AK9: variants seen among roughly 807,000 people sequenced by gnomAD.
AK9 encodes adenylate kinase 9.
Under a neutral mutation model 239.6 loss-of-function variants are expected in AK9, and 191 were observed. The observed-to-expected ratio is 0.80, with a 90% CI of 0.71 to 0.90. The LOEUF (loss-of-function observed/expected upper bound fraction) is 0.90, where lower values mean the gene tolerates loss of function less well. AK9 is among the 40% of genes least tolerant of loss of function. AK9 has a pLI of 0.00. For missense variants in AK9, 1,995 were observed against 2,214.7 expected (o/e 0.90, Z 1.99); for synonymous variants, 689 against 721.0 (o/e 0.96, Z 0.71).
intron 17 of AK9, among the ~76,000 whole-genome samples, chr6:109,599,796 T>G (rs1480019360): frequency 6.6e-6 from 1 of 152,190 alleles, no homozygotes; most frequent in South Asian, 2.1e-4. Context: ...TTCACATACC[T>G]TGTAAGTTGG....
chr6:109,611,921 C>T, intron 16 of AK9, 89 bp downstream of exon 16: 1 of 888,982 alleles, frequency 1.1e-6, no homozygotes, highest in Non-Finnish European at 1.7e-6. Context: ...TGAAAAATCA[C>T]ACATTTCTTC....
At chr6:109,597,739 G>A (rs956584659) in intron 17 of AK9, among the ~76,000 whole-genome samples, 3 of 151,910 alleles carry the variant, frequency 2.0e-5, no homozygotes, top group African/African-American at 7.3e-5. Context: ...CAACTGGGGG[G>A]CATAAGGCAG....
chr6:109,550,345 A>T (rs1195317187), intron 24 of AK9, 43 bp from the exon 25 acceptor site: 1 of 1,538,728 alleles, frequency 6.5e-7, no homozygotes, highest in Non-Finnish European at 8.8e-7. Context: ...AAACTAAAAA[A>T]GTATTTTGAT....
At chr6:109,682,116 G>C (rs1011968112) in intron 1 of AK9, among the ~76,000 whole-genome samples, 1 of 151,848 alleles carries the variant, frequency 6.6e-6, no homozygotes, top group African/African-American at 2.4e-5. Context: ...ATAGAGACAC[G>C]ACAAACCCTT....
At chr6:109,525,691 ATGT>A (rs1364470167) in intron 29 of AK9, among the ~76,000 whole-genome samples, 1 of 152,092 alleles carries the variant, frequency 6.6e-6, no homozygotes, top group Non-Finnish European at 1.5e-5. Flanking sequence ...AGAAAAGGAA[ATGT>A]TGGTGGGAAT....
At chr6:109,621,126 A>C (rs1794757205) in intron 12 of AK9, among the ~76,000 whole-genome samples, 1 of 144,252 alleles carries the variant, frequency 6.9e-6, no homozygotes, top group Non-Finnish European at 1.5e-5. Flanking sequence ...ATGCAGCCAA[A>C]AAACACATGA....
chr6:109,645,414 C>T (rs1054155509), intron 8 of AK9, among the ~76,000 whole-genome samples: 73 of 152,330 alleles, frequency 4.8e-4, no homozygotes, highest in African/African-American at 1.8e-3. Context: ...ATATGCTGCG[C>T]CTGGCTCAGA....
At chr6:109,498,991 A>C (rs962021726) in intron 36 of AK9, 53 bp downstream of exon 36, 11 of 1,357,048 alleles carry the variant, frequency 8.1e-6, no homozygotes, top group African/African-American at 3.0e-5. Context: ...ATTGATTCCA[A>C]GATAAGACAT....
chr6:109,665,956 G>T (rs926519622), intron 5 of AK9, among the ~76,000 whole-genome samples: 24 of 152,172 alleles, frequency 1.6e-4, no homozygotes, highest in Admixed American at 1.5e-3. Context: ...CATTCCACGT[G>T]CAACTGTTTG....
intron 24 of AK9, among the ~76,000 whole-genome samples, chr6:109,558,797 C>G (rs117283053): frequency 2.0e-5 from 3 of 151,802 alleles, no homozygotes; most frequent in Non-Finnish European, 4.4e-5. Flanking sequence ...TATATGGAAT[C>G]TGTAGATAAA....
intron 36 of AK9, among the ~76,000 whole-genome samples, chr6:109,498,261 T>C (rs1777270565): frequency 6.6e-6 from 1 of 152,254 alleles, no homozygotes; most frequent in South Asian, 2.1e-4. Flanking sequence ...CCAGCCCGTA[T>C]TCCTGTCCTG....
At chr6:109,559,669 A>G (rs1160208788) in intron 24 of AK9, among the ~76,000 whole-genome samples, 1 of 152,226 alleles carries the variant, frequency 6.6e-6, no homozygotes, top group Middle Eastern at 3.2e-3. Context: ...GTTTTTGAAT[A>G]CTGATTTTAT....
chr6:109,668,874 G>A lies in AK9; in HGVS notation c.331+3045C>T, dbSNP rs13218837. Among the ~76,000 whole-genome samples the A allele has an allele frequency of 7.1e-3, 635 of 89,964 alleles. 30 individuals carry two copies. Among genetic ancestry groups the A allele is most frequent in the African/African-American group, 0.018 (580 of 32,040 alleles). 59.0% of individuals were successfully genotyped at this position (89,964 alleles called of 152,430 possible). A position where few individuals can be genotyped will look rare whatever the true frequency, so the allele number is the denominator to read the frequency against. On this transcript the variant is annotated intron_variant, in intron 5 of 40. Transcript: ENST00000424296. Reference sequence around the variant, plus strand: ...TCTTTTGGCTTAGGATTGCCTTGGCGATGCCAGCTCTTTTTTGGTTCCATA... The same window carrying A: ...TCTTTTGGCTTAGGATTGCCTTGGCAATGCCAGCTCTTTTTTGGTTCCATA...
Position 109,662,554 on chromosome 6 carries a change from T to C in AK9, c.441A>G (p.Ile147Met). Reference sequence around the variant, plus strand: ...GCAAAACAATTAATATCCTTACCTTTATATTGATTATAACATCAGGTTTCA... The same window carrying C: ...GCAAAACAATTAATATCCTTACCTTCATATTGATTATAACATCAGGTTTCA... ...LNLKPDVIINIKCPDYDLCQR... is the reference protein window; with the variant it reads ...LNLKPDVIINMKCPDYDLCQR... The change falls in exon 6 of 41, where the codon ATA becomes ATG. Residue 147 changes from isoleucine (I) to methionine (M), a missense_variant. Physicochemically the swap from Ile to Met is conservative, Grantham distance 10 (BLOSUM62 1). Coordinates refer to ENST00000424296, the MANE Select transcript of AK9 (RefSeq NM_001145128.3). 6.5e-7 allele frequency: 1 copy of C among 1,532,122 alleles called. No individual in the cohort carries two copies. Among genetic ancestry groups the C allele is most frequent in the Non-Finnish European group, 8.8e-7 (1 of 1,138,394 alleles). The allele number at this position is 1,532,122 out of a possible 1,614,324, so 94.9% of individuals were successfully genotyped here.
intron 35 of AK9, among the ~76,000 whole-genome samples, chr6:109,505,911 A>G (rs1249892741): frequency 6.6e-6 from 1 of 152,178 alleles, no homozygotes; most frequent in Non-Finnish European, 1.5e-5. Context: ...GAATCAAGGT[A>G]CCAGCAAATC....
At chr6:109,628,741 C>G (rs897946650) in intron 12 of AK9, among the ~76,000 whole-genome samples, 1 of 152,152 alleles carries the variant, frequency 6.6e-6, no homozygotes, top group African/African-American at 2.4e-5. Flanking sequence ...GTTTTTTCCA[C>G]TGACAACTCA....
chr6:109,612,054 T>C lies in AK9; in HGVS notation c.1649A>G (p.His550Arg). 6.5e-7 allele frequency: 1 copy of C among 1,541,222 alleles called. No individual in the cohort carries two copies. The highest frequency in any genetic ancestry group is 8.8e-7 in the Non-Finnish European group (1 of 1,142,014). The change falls in exon 16 of 41, where the codon CAT becomes CGT. Residue 550 changes from histidine to arginine, a missense_variant. Around this residue, in one of 5 missense-constraint regions of AK9, gnomAD observed 1,290 missense variants for 1,392.7 expected, o/e 0.93. Transcript: ENST00000424296. ...ETGETFTFKR[H>R]SQDASQDVKL... is the part of the protein sequence containing the mutation. The stretch of plus-strand genomic sequence containing the variant: ...TACATCTTGACTAGCATCTTGAGAA[T>C]GCCTTTTAAATGTGAATGTTTCACC...
chr6:109,550,028 T>C (rs949428377), intron 25 of AK9, 62 bp downstream of exon 25: 4 of 1,503,070 alleles, frequency 2.7e-6, no homozygotes, highest in Non-Finnish European at 3.7e-6. Flanking sequence ...TTGATGGTGA[T>C]TGGTAATCAG....
chr6:109,622,321 A>G (rs1182402604), intron 12 of AK9, among the ~76,000 whole-genome samples: 1 of 143,378 alleles, frequency 7.0e-6, no homozygotes, highest in Non-Finnish European at 1.5e-5. Context: ...ACATGTACAT[A>G]TATGTATATG....
Sources: gnomAD v4.1 joint callset for allele counts (sites outside exome capture counted in the v4.1 genomes callset) on GRCh38, gnomAD v4.1.1 for gene constraint, gnomAD v4.1.1 regional missense constraint, MANE v1.5 for transcripts, NCBI Gene and HGNC (gene_info 2026-07-23, HGNC 2026-07-21) for gene names.